Variants in EEF1D observed in about 807,000 individuals in gnomAD.
The protein encoded by EEF1D is eukaryotic translation elongation factor 1 delta, also known as elongation factor 1-delta.
EEF1D carries 47 observed loss-of-function variants against 63.9 expected under a neutral mutation model. The ratio of observed to expected loss-of-function variants is 0.74; its 90% CI spans 0.58 to 0.94. The LOEUF (loss-of-function observed/expected upper bound fraction) is 0.94. EEF1D is among the 40% of genes least tolerant of loss of function. The pLI, the probability that EEF1D is intolerant of heterozygous loss-of-function variation, is 0.00. For synonymous variants in EEF1D, 412 were observed against 386.1 expected (o/e 1.07, Z -0.79); for missense variants, 907 against 899.0 (o/e 1.01, Z -0.11).
intron 2 of EEF1D, chr8:143,592,229 AT>A (rs1828090809): frequency 1.0e-6 from 1 of 985,390 alleles, no homozygotes. Flanking sequence ...TGCAGGTCCC[AT>A]CAGCAGTGCC....
At chr8:143,586,374 A>G (rs1826618132) in intron 4 of EEF1D, 84 bp from the exon 5 acceptor site, 5 of 1,258,998 alleles carry the variant, frequency 4.0e-6, no homozygotes, top group Middle Eastern at 2.8e-4. Flanking sequence ...AACCCCATGA[A>G]CCCTCACATA....
At chr8:143,584,302 CA>C (rs1826118050) in intron 5 of EEF1D, 1 of 151,590 alleles carries the variant, frequency 6.6e-6, no homozygotes, top group South Asian at 2.1e-4. Flanking sequence ...CCTGTAATCC[CA>C]GCACTTTGAG....
At position 143,586,577 on chromosome 8, in the gene EEF1D, C is replaced by T. The variant is rs776843174; in HGVS notation, c.1215+152G>A. 75 of 1,189,304 alleles carry T rather than the reference C, an allele frequency of 6.3e-5. 1 individual carries two copies. In the African/African-American group the frequency reaches 6.8e-4, roughly 11 times the overall value. The allele number at this position is 1,189,304 out of a possible 1,614,324, so 73.7% of individuals were successfully genotyped here. ...CCCGGCCCGGGGGCCCGGCCAAGGC[C>T]GCCTGCCCCGAGACCCCACTCCCAG... On this transcript the variant is annotated intron_variant, in intron 4 of 9. Transcript: ENST00000618139.
Position 143,586,437 on chromosome 8 carries a change from G to A in EEF1D, c.1216-147C>T, listed in dbSNP as rs1156964032. 9.6e-6 allele frequency: 8 copies of A among 829,366 alleles called. No homozygotes were observed. In the South Asian group the frequency reaches 1.0e-4, roughly 11 times the overall value. The allele number at this position is 829,366 out of a possible 1,614,324, so 51.4% of individuals were successfully genotyped here. ...CGAGAGCTTGGCGGGCCAGAAAAGC[G>A]GGAGATGCCTGAGGCTGTGACGACA... On this transcript the variant is annotated intron_variant, in intron 4 of 9. Coordinates refer to ENST00000618139, the MANE Select transcript of EEF1D (RefSeq NM_001130053.5).
rs1268056144 is a variant in EEF1D at position 143,589,266 on chromosome 8, C to T, written c.816G>A (p.Arg272=). Residue 272 remains arginine (R), a synonymous_variant, in exon 3 of 10, where the codon CGG becomes CGA. Transcript: ENST00000618139. ...QERAGLAEGA[R]RGRRDRRGRN... is the part of the protein sequence containing the mutation. Reference sequence around the variant, plus strand: ...GGCCCCGCCGGTCTCTGCGGCCCCGCCGGGCACCCTCGGCCAGGCCGGCTC... The same window carrying T: ...GGCCCCGCCGGTCTCTGCGGCCCCGTCGGGCACCCTCGGCCAGGCCGGCTC... The T allele has an allele frequency of 2.5e-6, 4 of 1,588,254 alleles. No homozygotes were observed. Among genetic ancestry groups the T allele is most frequent in the Non-Finnish European group, 3.4e-6 (4 of 1,166,410 alleles).
At chr8:143,585,409 G>C (rs1014778243) in intron 5 of EEF1D, among the ~76,000 whole-genome samples, 1 of 152,204 alleles carries the variant, frequency 6.6e-6, no homozygotes, top group African/African-American at 2.4e-5. Context: ...CTCCTCCTGA[G>C]CCTTTGGAAG....
At chr8:143,595,269 C>T (rs1181466825) in intron 1 of EEF1D, among the ~76,000 whole-genome samples, 1 of 152,126 alleles carries the variant, frequency 6.6e-6, no homozygotes, top group Non-Finnish European at 1.5e-5. Context: ...TGGGGTTTCA[C>T]CATGTTTGCC....
intron 2 of EEF1D, chr8:143,590,301 G>A (rs972854257): frequency 2.3e-5 from 17 of 724,234 alleles, no homozygotes; most frequent in East Asian, 8.1e-5. Flanking sequence ...AAAACAGGCC[G>A]GGCGCAGTGG....
At chr8:143,588,499 A>G (rs559016016) in intron 3 of EEF1D, among the ~76,000 whole-genome samples, 2 of 152,254 alleles carry the variant, frequency 1.3e-5, no homozygotes, top group South Asian at 4.2e-4. Flanking sequence ...AGACGCCACC[A>G]CCTTCCCTCA....
intron 1 of EEF1D, chr8:143,593,924 T>G: frequency 1.0e-6 from 1 of 985,306 alleles, no homozygotes; most frequent in South Asian, 4.7e-5. Flanking sequence ...AGTCTGAGCT[T>G]CAAAGCTTGC....
chr8:143,580,296 G>T, intron 8 of EEF1D, 90 bp from the exon 9 acceptor site: 2 of 1,383,980 alleles, frequency 1.4e-6, no homozygotes, highest in Non-Finnish European at 9.9e-7. Flanking sequence ...ACCACTGTGT[G>T]TCCACAATTC....
chr8:143,589,780 A>T lies in EEF1D; in HGVS notation c.302T>A (p.Leu101Gln). 6.4e-7 allele frequency: 1 copy of T among 1,565,346 alleles called. No individual in the cohort carries two copies. Among genetic ancestry groups the T allele is most frequent in the Non-Finnish European group, 8.6e-7 (1 of 1,157,524 alleles). ...TTCGGCCGAGAGGCCCAGGAGGGCC[A>T]GGTCCGCGGGGCCGAGCCCGCTCTT... ...SPKSGLGPAD[L>Q]ALLGLSAERV... is the part of the protein sequence containing the mutation. The change falls in exon 3 of 10, where the codon CTG (leucine) becomes CAG (glutamine). Residue 101 changes from leucine to glutamine, a missense_variant. Physicochemically the swap from Leu to Gln is moderately radical, Grantham distance 113. Transcript: ENST00000618139.
intron 5 of EEF1D, chr8:143,581,753 G>C: frequency 5.1e-6 from 1 of 194,446 alleles, no homozygotes; most frequent in Non-Finnish European, 1.1e-5. Flanking sequence ...GGGGGAAGAA[G>C]GAAGGAGCCC....
Position 143,580,212 on chromosome 8 carries a change from G to C in EEF1D, c.1711-6C>G, listed in dbSNP as rs762372836. The C allele has an allele frequency of 6.2e-7, 1 of 1,611,062 alleles. No homozygotes were observed. Among genetic ancestry groups the C allele is most frequent in the Non-Finnish European group, 8.5e-7 (1 of 1,178,104 alleles). On this transcript the variant is annotated splice_region_variant and splice_polypyrimidine_tract_variant and intron_variant, in intron 8 of 9. Coordinates refer to ENST00000618139, the MANE Select transcript of EEF1D (RefSeq NM_001130053.5). ...ATGTCCGTCTCATCATCCCACTGTG[G>C]GGAAAGGGGAGGAAAAGCTGGGGTC...
At chr8:143,584,720 C>CG in intron 5 of EEF1D, among the ~76,000 whole-genome samples, 1 of 152,254 alleles carries the variant, frequency 6.6e-6, no homozygotes, top group South Asian at 2.1e-4. Context: ...TAAACTGCCA[C>CG]GAACATGCTG....
chr8:143,580,341 A>C, intron 8 of EEF1D, 135 bp from the exon 9 acceptor site: 1 of 1,237,060 alleles, frequency 8.1e-7, no homozygotes, highest in Non-Finnish European at 1.1e-6. Flanking sequence ...AACAATCCAA[A>C]TTCACACCTT....
chr8:143,586,008 G>A (rs748365834), intron 5 of EEF1D: 23 of 471,210 alleles, frequency 4.9e-5, no homozygotes, highest in African/African-American at 9.9e-5. Context: ...GCCGGCAGAC[G>A]AGGTAAGCAC....
intron 9 of EEF1D, 68 bp downstream of exon 9, chr8:143,579,942 GGT>G: frequency 6.4e-7 from 1 of 1,564,924 alleles, no homozygotes; most frequent in African/African-American, 1.4e-5. Context: ...ACTGCCGTGG[GGT>G]GGAGTGCAGG....
chr8:143,588,913 TGGA>T, intron 3 of EEF1D, 75 bp downstream of exon 3: 1 of 1,498,476 alleles, frequency 6.7e-7, no homozygotes, highest in Non-Finnish European at 8.9e-7. Flanking sequence ...GGGAGGAAGC[TGGA>T]GGAGCCCCAG....
Sources: allele counts gnomAD v4.1 joint callset (sites outside exome capture counted in the v4.1 genomes callset), GRCh38; gene constraint gnomAD v4.1.1; transcripts MANE v1.5; gene names NCBI Gene and HGNC (gene_info 2026-07-23, HGNC 2026-07-21).